PDSS2: variants seen among roughly 807,000 people sequenced by gnomAD.
PDSS2 encodes decaprenyl diphosphate synthase subunit 2, also known as all trans-polyprenyl-diphosphate synthase PDSS2.
A neutral mutation model predicts 44.5 loss-of-function variants in PDSS2; 31 were observed. That is an observed-to-expected ratio of 0.70 (90% confidence interval 0.52 to 0.94). The LOEUF is 0.94. Ranked by LOEUF, PDSS2 falls within the 40% of genes least tolerant of loss-of-function variation. The pLI is 0.00. For synonymous variants in PDSS2, 157 were observed against 180.3 expected, an observed-to-expected ratio of 0.87 and a Z score of 1.03; for missense variants, 452 against 482.2, an observed-to-expected ratio of 0.94 and a Z score of 0.59.
intron 4 of PDSS2, among the ~76,000 whole-genome samples, chr6:107,216,533 G>A (rs778536372): frequency 2.6e-5 from 4 of 151,840 alleles, no homozygotes; most frequent in African/African-American, 9.7e-5. Flanking sequence ...TTAGAAACGC[G>A]CAAAACTGAA....
At chr6:107,265,444 C>T (rs1244563654) in intron 3 of PDSS2, among the ~76,000 whole-genome samples, 3 of 152,112 alleles carry the variant, frequency 2.0e-5, no homozygotes, top group Non-Finnish European at 4.4e-5. Flanking sequence ...TACCAATATA[C>T]ATCCTCAAAG....
At chr6:107,284,253 T>C (rs980092546) in intron 2 of PDSS2, among the ~76,000 whole-genome samples, 1 of 152,140 alleles carries the variant, frequency 6.6e-6, no homozygotes, top group African/African-American at 2.4e-5. Flanking sequence ...ATTTACACTT[T>C]GTCATTTTTA....
intron 1 of PDSS2, among the ~76,000 whole-genome samples, chr6:107,363,315 C>T (rs1038020491): frequency 6.6e-6 from 1 of 152,176 alleles, no homozygotes; most frequent in African/African-American, 2.4e-5. Context: ...AGCCGCAGAC[C>T]CTCGCGGTGA....
At chr6:107,276,758 T>A (rs887306567) in intron 2 of PDSS2, among the ~76,000 whole-genome samples, 1 of 152,158 alleles carries the variant, frequency 6.6e-6, no homozygotes, top group Non-Finnish European at 1.5e-5. Context: ...CATCGGCAAA[T>A]GAGGGACAAA....
At chr6:107,374,723 A>C (rs1292997376) in intron 1 of PDSS2, among the ~76,000 whole-genome samples, 1 of 152,170 alleles carries the variant, frequency 6.6e-6, no homozygotes, top group South Asian at 2.1e-4. Flanking sequence ...ATTTTTGGTT[A>C]ATGTTCCTTA....
Position 107,429,884 on chromosome 6 carries a change from C to CAAA in PDSS2, c.296+29103_296+29105dup, listed in dbSNP as rs1163895804. Among the ~76,000 whole-genome samples, 29 of 5,374 alleles carry CAAA rather than the reference C, an allele frequency of 5.4e-3. 1 individual carries two copies. Among genetic ancestry groups the CAAA allele is most frequent in the South Asian group, 0.011 (1 of 90 alleles). 3.5% of individuals were successfully genotyped at this position (5,374 alleles called of 152,430 possible). A position where few individuals can be genotyped will look rare whatever the true frequency, so the allele number is the denominator to read the frequency against. On this transcript the variant is annotated intron_variant, in intron 1 of 7. Coordinates refer to ENST00000369037, the MANE Select transcript of PDSS2 (RefSeq NM_020381.4). The stretch of plus-strand genomic sequence containing the variant: ...GGGCAACAAGAGCAAAACTTAGTCT[C>CAAA]AAAAAAAAAAAAAAAAAATATATAT...
rs539236629 is a variant in PDSS2 at position 107,227,375 on chromosome 6, G to A, written c.703-15093C>T. The stretch of plus-strand genomic sequence containing the variant: ...ACGATCTTGGCTCACTGCAACCTCC[G>A]CCTCCCAGGTTCAAGCGATTCTCGT... On this transcript the variant is annotated intron_variant, in intron 4 of 7. Transcript: ENST00000369037. Among the ~76,000 whole-genome samples the A allele has an allele frequency of 1.0e-3, 146 of 142,680 alleles. 2 individuals are homozygous for A. The highest frequency in any genetic ancestry group is 4.5e-4 in the Non-Finnish European group (30 of 66,436). The allele number at this position is 142,680 out of a possible 152,430, so 93.6% of individuals were successfully genotyped here.
intron 3 of PDSS2, among the ~76,000 whole-genome samples, chr6:107,271,558 A>G (rs993299749): frequency 5.3e-5 from 8 of 152,176 alleles, no homozygotes; most frequent in Non-Finnish European, 1.0e-4. Flanking sequence ...GCTACAGTAC[A>G]ATTGGGTGAC....
At chr6:107,183,195 A>G (rs1457444076) in intron 7 of PDSS2, among the ~76,000 whole-genome samples, 1 of 138,584 alleles carries the variant, frequency 7.2e-6, no homozygotes, top group African/African-American at 2.7e-5. Context: ...CTGGGTGACA[A>G]GCAAGACTGT....
chr6:107,241,588 T>C (rs1184710574), intron 4 of PDSS2, among the ~76,000 whole-genome samples: 2 of 152,030 alleles, frequency 1.3e-5, no homozygotes, highest in Non-Finnish European at 2.9e-5. Flanking sequence ...CCTCGTGATC[T>C]GCCCGCCTCA....
chr6:107,248,512 C>A (rs1362286512), intron 3 of PDSS2, among the ~76,000 whole-genome samples: 1 of 94,376 alleles, frequency 1.1e-5, no homozygotes. Context: ...GATTAGGGAA[C>A]TGTTAAAAAA....
chr6:107,379,966 G>T (rs927376685), intron 1 of PDSS2, among the ~76,000 whole-genome samples: 10 of 150,734 alleles, frequency 6.6e-5, no homozygotes, highest in African/African-American at 2.2e-4. Context: ...AGTTTTTTTT[G>T]AATTTTAAAA....
chr6:107,381,437 C>A (rs1398020707), intron 1 of PDSS2, among the ~76,000 whole-genome samples: 1 of 152,078 alleles, frequency 6.6e-6, no homozygotes, highest in African/African-American at 2.4e-5. Context: ...TTTTTTTAAA[C>A]CTCATTCATA....
At chr6:107,206,026 T>C (rs897565277) in intron 6 of PDSS2, among the ~76,000 whole-genome samples, 9 of 152,334 alleles carry the variant, frequency 5.9e-5, no homozygotes, top group Non-Finnish European at 1.3e-4. Flanking sequence ...GTGACTTCCA[T>C]CATTGACAGC....
chr6:107,324,846 G>A (rs1777489260), intron 2 of PDSS2, among the ~76,000 whole-genome samples: 1 of 152,120 alleles, frequency 6.6e-6, no homozygotes, highest in Admixed American at 6.5e-5. Context: ...GGGAAATACA[G>A]TTTGTTAATT....
chr6:107,167,999 G>T (rs898414634), intron 7 of PDSS2, among the ~76,000 whole-genome samples: 1 of 152,116 alleles, frequency 6.6e-6, no homozygotes, highest in Non-Finnish European at 1.5e-5. Context: ...AGGTCCGCTT[G>T]GTGCAGAGCT....
chr6:107,191,082 G>A (rs1262998012), intron 7 of PDSS2, among the ~76,000 whole-genome samples: 2 of 152,060 alleles, frequency 1.3e-5, no homozygotes, highest in East Asian at 3.9e-4. Flanking sequence ...TAGTCGAGAC[G>A]GGGTTTCACC....
intron 2 of PDSS2, among the ~76,000 whole-genome samples, chr6:107,294,744 A>T (rs1207026851): frequency 6.6e-6 from 1 of 152,164 alleles, no homozygotes; most frequent in Non-Finnish European, 1.5e-5. Flanking sequence ...ATATTAACTG[A>T]TTTGCCCAGG....
At chr6:107,406,995 T>C (rs75201421) in intron 1 of PDSS2, among the ~76,000 whole-genome samples, 2,789 of 152,282 alleles carry the variant, frequency 0.018, 72 homozygotes, top group East Asian at 0.12. Flanking sequence ...TGCTCTCCTA[T>C]TTAGCCACTG....
Sources: allele counts gnomAD v4.1 joint callset (sites outside exome capture counted in the v4.1 genomes callset), GRCh38; gene constraint gnomAD v4.1.1; transcripts MANE v1.5; gene names NCBI Gene and HGNC (gene_info 2026-07-23, HGNC 2026-07-21).